EDIL3: variants seen among roughly 807,000 people sequenced by gnomAD.
EDIL3 encodes the protein EGF like and discoidin domains 3, also known as EGF-like repeat and discoidin I-like domain-containing protein 3.
Under a neutral mutation model 67.4 loss-of-function variants are expected in EDIL3, and 37 were observed. The observed-to-expected ratio is 0.55, with a 90% CI of 0.42 to 0.72. The LOEUF (loss-of-function observed/expected upper bound fraction) is 0.72. Ranked by LOEUF, EDIL3 falls within the 30% of genes least tolerant of loss-of-function variation. EDIL3 has a pLI of 0.00. For synonymous variants in EDIL3, 195 were observed against 196.3 expected, an observed-to-expected ratio of 0.99 and a Z score of 0.05; for missense variants, 527 against 586.3, an observed-to-expected ratio of 0.90 and a Z score of 1.04.
At chr5:83,980,345 G>C (rs1321130250) in intron 9 of EDIL3, among the ~76,000 whole-genome samples, 2 of 151,270 alleles carry the variant, frequency 1.3e-5, no homozygotes, top group Non-Finnish European at 2.9e-5. Flanking sequence ...AAGGCAATTA[G>C]GTAAGAAAAT....
chr5:84,380,104 T>G (rs1748044528), intron 1 of EDIL3, among the ~76,000 whole-genome samples: 1 of 152,038 alleles, frequency 6.6e-6, no homozygotes, highest in Admixed American at 6.5e-5. Context: ...AGAAATATTT[T>G]AATAATTACT....
chr5:83,987,205 T>C (rs1366948050), intron 9 of EDIL3, among the ~76,000 whole-genome samples: 2 of 152,212 alleles, frequency 1.3e-5, no homozygotes, highest in East Asian at 3.9e-4. Flanking sequence ...AAAACTGCAG[T>C]TTCTGGTTAT....
At chr5:84,203,391 T>C (rs1197524464) in intron 3 of EDIL3, among the ~76,000 whole-genome samples, 3 of 152,172 alleles carry the variant, frequency 2.0e-5, no homozygotes, top group African/African-American at 7.2e-5. Context: ...CCAGCAAAGA[T>C]GACCCAACTG....
intron 9 of EDIL3, among the ~76,000 whole-genome samples, chr5:83,998,700 C>A (rs1745275626): frequency 6.6e-6 from 1 of 152,212 alleles, no homozygotes; most frequent in Non-Finnish European, 1.5e-5. Flanking sequence ...GGCAAGAAGG[C>A]AACCTGCTGC....
intron 1 of EDIL3, among the ~76,000 whole-genome samples, chr5:84,312,802 T>C (rs1746434917): frequency 6.6e-6 from 1 of 152,262 alleles, no homozygotes; most frequent in Admixed American, 6.5e-5. Flanking sequence ...CATAAAATAA[T>C]CCATCAAAGT....
chr5:84,242,572 C>A (rs1226101371), intron 2 of EDIL3, among the ~76,000 whole-genome samples: 3 of 151,698 alleles, frequency 2.0e-5, no homozygotes, highest in African/African-American at 4.8e-5. Flanking sequence ...CTGAGGTGGG[C>A]GGATTGCTTG....
chr5:84,173,340 G>A (rs990000726), intron 4 of EDIL3, among the ~76,000 whole-genome samples: 2 of 152,170 alleles, frequency 1.3e-5, no homozygotes, highest in Admixed American at 6.5e-5. Context: ...CATGGTGCAA[G>A]TGAGGGTCTG....
At chr5:84,320,515 C>G (rs1746614359) in intron 1 of EDIL3, among the ~76,000 whole-genome samples, 1 of 152,016 alleles carries the variant, frequency 6.6e-6, no homozygotes, top group Non-Finnish European at 1.5e-5. Flanking sequence ...TAAATACAAT[C>G]TGGTCAGCAG....
chr5:84,206,972 T>G (rs995659145), intron 3 of EDIL3, among the ~76,000 whole-genome samples: 2 of 152,174 alleles, frequency 1.3e-5, no homozygotes, highest in African/African-American at 4.8e-5. Flanking sequence ...AGCCTTCCCT[T>G]TGAAAACTGG....
intron 9 of EDIL3, among the ~76,000 whole-genome samples, chr5:83,977,270 T>A (rs1744891284): frequency 6.6e-6 from 1 of 151,852 alleles, no homozygotes; most frequent in African/African-American, 2.4e-5. Flanking sequence ...TTTTTTCAAG[T>A]GAAAACATTT....
At chr5:84,269,469 A>T (rs756363956) in intron 1 of EDIL3, among the ~76,000 whole-genome samples, 5 of 152,200 alleles carry the variant, frequency 3.3e-5, no homozygotes, top group Non-Finnish European at 5.9e-5. Flanking sequence ...CTCAATAAAG[A>T]ATACTACTAA....
chr5:84,173,804 G>C (rs1179667192), intron 4 of EDIL3, among the ~76,000 whole-genome samples: 2 of 152,280 alleles, frequency 1.3e-5, no homozygotes, highest in South Asian at 4.1e-4. Flanking sequence ...ATGTCCCCAC[G>C]TGGCCTTTGT....
At chr5:84,368,161 T>A (rs754726117) in intron 1 of EDIL3, among the ~76,000 whole-genome samples, 1 of 152,128 alleles carries the variant, frequency 6.6e-6, no homozygotes, top group Non-Finnish European at 1.5e-5. Context: ...TAAGACCATA[T>A]GAAATCTTGA....
intron 1 of EDIL3, among the ~76,000 whole-genome samples, chr5:84,364,566 A>G (rs1747688541): frequency 6.6e-6 from 1 of 152,158 alleles, no homozygotes; most frequent in Non-Finnish European, 1.5e-5. Context: ...TAGCAAATAC[A>G]GGTAAGACTC....
chr5:84,291,156 A>AAGTTAAATAAAATT (rs1745905034), intron 1 of EDIL3, among the ~76,000 whole-genome samples: 1 of 152,198 alleles, frequency 6.6e-6, no homozygotes, highest in Non-Finnish European at 1.5e-5. Flanking sequence ...TGTCAAATTG[A>AAGTTAAATAAAATT]ACCAAACTAA....
chr5:84,056,446 T>C (rs1205318025), intron 9 of EDIL3, among the ~76,000 whole-genome samples: 2 of 152,098 alleles, frequency 1.3e-5, no homozygotes, highest in Non-Finnish European at 2.9e-5. Flanking sequence ...ATTGTGCACA[T>C]GTATCCTAGA....
At chr5:84,151,788 G>C (rs1748398732) in intron 4 of EDIL3, among the ~76,000 whole-genome samples, 1 of 152,070 alleles carries the variant, frequency 6.6e-6, no homozygotes, top group Non-Finnish European at 1.5e-5. Context: ...TTTTCTGATG[G>C]AAGTTCATGA....
chr5:84,328,884 A>C (rs1746818175), intron 1 of EDIL3, among the ~76,000 whole-genome samples: 2 of 152,038 alleles, frequency 1.3e-5, no homozygotes, highest in South Asian at 4.1e-4. Flanking sequence ...TTCTCTGGGA[A>C]CTTTCTACTC....
At chr5:84,017,870 T>C (rs1745637537) in intron 9 of EDIL3, among the ~76,000 whole-genome samples, 1 of 152,204 alleles carries the variant, frequency 6.6e-6, no homozygotes, top group Admixed American at 6.6e-5. Flanking sequence ...TTCTTTTCAA[T>C]GATTACTTAT....
Sources: allele counts gnomAD v4.1 joint callset (sites outside exome capture counted in the v4.1 genomes callset), GRCh38; gene constraint gnomAD v4.1.1; transcripts MANE v1.5; gene names NCBI Gene and HGNC (gene_info 2026-07-23, HGNC 2026-07-21).